The following CAMTA1 variants were observed in gnomAD, a reference collection of about 807,000 sequenced individuals.
CAMTA1 encodes the protein calmodulin binding transcription activator 1, also known as calmodulin-binding transcription activator 1.
CAMTA1 carries 27 observed loss-of-function variants against 170.9 expected under a neutral mutation model. The ratio of observed to expected loss-of-function variants is 0.16; its 90% confidence interval spans 0.12 to 0.22. The LOEUF (loss-of-function observed/expected upper bound fraction) is 0.22, where lower values mean the gene tolerates loss of function less well. CAMTA1 is among the 10% of genes least tolerant of loss of function. The pLI, the probability that CAMTA1 is intolerant of heterozygous loss-of-function variation, is 1.00. For missense variants in CAMTA1, 1,619 were observed against 2,217.2 expected, an observed-to-expected ratio of 0.73 and a Z score of 5.42; for synonymous variants, 833 against 891.5, an observed-to-expected ratio of 0.93 and a Z score of 1.17.
chr1:7,362,213 G>T (rs1043567310), intron 5 of CAMTA1, among the ~76,000 whole-genome samples: 1 of 152,230 alleles, frequency 6.6e-6, no homozygotes, highest in Non-Finnish European at 1.5e-5. Context: ...TGATTGGTGG[G>T]CCTGGGTAGA....
chr1:6,817,871 A>G (rs1435026883), intron 1 of CAMTA1, among the ~76,000 whole-genome samples: 1 of 152,200 alleles, frequency 6.6e-6, no homozygotes, highest in Non-Finnish European at 1.5e-5. Context: ...TAGAAAAGAA[A>G]GAATTAAGGA....
intron 19 of CAMTA1, 50 bp downstream of exon 19, chr1:7,747,831 C>T: frequency 7.5e-7 from 1 of 1,340,972 alleles, no homozygotes. Context: ...CACCCAAGGC[C>T]ACTGAAGATC....
intron 4 of CAMTA1, among the ~76,000 whole-genome samples, chr1:7,135,491 C>T (rs1450008373): frequency 6.6e-6 from 1 of 152,146 alleles, no homozygotes; most frequent in African/African-American, 2.4e-5. Flanking sequence ...CAAATTAGTT[C>T]AGCCCCTGTG....
chr1:7,495,514 C>T (rs536003473), intron 6 of CAMTA1, among the ~76,000 whole-genome samples: 1 of 152,340 alleles, frequency 6.6e-6, no homozygotes, highest in African/African-American at 2.4e-5. Flanking sequence ...CCGGCTTGGG[C>T]ATGGCAGGGC....
In CAMTA1 at chr1:6,870,518, T is replaced by A. The variant is rs187447185; in HGVS notation, c.234+45308T>A. On this transcript the variant is annotated intron_variant, in intron 3 of 22. Transcript: ENST00000303635. ...TGCCGTAAGCCTCTAGAAAGAATAT[T>A]CTGTTTCTTTTAATAAAATCCTTTT... Among the ~76,000 whole-genome samples the A allele has an allele frequency of 1.0e-3, 153 of 152,334 alleles. 1 individual carries two copies. The highest frequency in any genetic ancestry group is 3.5e-3 in the African/African-American group (145 of 41,580).
intron 11 of CAMTA1, 57 bp downstream of exon 11, chr1:7,677,790 A>G: frequency 6.4e-7 from 1 of 1,567,278 alleles, no homozygotes; most frequent in Non-Finnish European, 8.7e-7. Flanking sequence ...ATGCTTGGGG[A>G]CTCTTGCACA....
chr1:7,202,007 T>G (rs1656798891), intron 4 of CAMTA1, among the ~76,000 whole-genome samples: 1 of 152,244 alleles, frequency 6.6e-6, no homozygotes, highest in South Asian at 2.1e-4. Context: ...TTAAGAATTT[T>G]AGTTTTAACT....
rs1195929393 is a variant in CAMTA1 at position 7,588,644 on chromosome 1, T to A, written c.511-51756T>A. 6.6e-6 allele frequency among the ~76,000 whole-genome samples: 1 copy of A among 151,980 alleles called. No individual in the cohort carries two copies. Among genetic ancestry groups the A allele is most frequent in the African/African-American group, 2.4e-5 (1 of 41,380 alleles). On this transcript the variant is annotated intron_variant, in intron 6 of 22. Coordinates refer to ENST00000303635, the MANE Select transcript of CAMTA1 (RefSeq NM_015215.4). This position sits in a 1 kb window ranked among gnomAD's most constrained non-coding sequence, Gnocchi z 5.8. Reference sequence around the variant, plus strand: ...AGCCACAGTGGCCCATGTTGTTCCCTCCCTTGCAGGGCAACCCCAGGGCCA... The same window carrying A: ...AGCCACAGTGGCCCATGTTGTTCCCACCCTTGCAGGGCAACCCCAGGGCCA...
intron 4 of CAMTA1, among the ~76,000 whole-genome samples, chr1:7,193,389 T>C (rs1654918309): frequency 6.6e-6 from 1 of 151,440 alleles, no homozygotes; most frequent in South Asian, 2.1e-4. Flanking sequence ...GTAGTGTCAG[T>C]TTCCAAGTCC....
rs142348457 is a variant in CAMTA1, at chr1:7,546,463, T to C, written c.510+78562T>C. The stretch of plus-strand genomic sequence containing the variant: ...ATTGTGAATAGTGCTGCAATGAACA[T>C]ACACATGCATGTATCTTTATAACAA... On this transcript the variant is annotated intron_variant, in intron 6 of 22. Transcript: ENST00000303635. Among the ~76,000 whole-genome samples, 865 of 152,342 alleles carry C rather than the reference T, an allele frequency of 5.7e-3. 7 individuals are homozygous for C. Among genetic ancestry groups the C allele is most frequent in the Middle Eastern group, 0.024 (7 of 294 alleles).
chr1:7,537,975 G>A (rs567634461), intron 6 of CAMTA1, among the ~76,000 whole-genome samples: 11 of 152,186 alleles, frequency 7.2e-5, no homozygotes, highest in Admixed American at 2.6e-4. Flanking sequence ...GTCTGACGTC[G>A]TGGCTCTAGG....
intron 3 of CAMTA1, among the ~76,000 whole-genome samples, chr1:6,902,078 A>AAAAAAAAC (rs1289084830): frequency 6.5e-4 from 56 of 86,548 alleles, no homozygotes; most frequent in Non-Finnish European, 1.3e-3. Context: ...CACACAAAAA[A>AAAAAAAAC]AAAAATAAAA....
chr1:7,691,163 C>A (rs531556987), intron 11 of CAMTA1, among the ~76,000 whole-genome samples: 3 of 152,090 alleles, frequency 2.0e-5, no homozygotes, highest in Admixed American at 2.0e-4. Context: ...AAGAAATGAC[C>A]CCCAAACCAA....
At chr1:7,211,122 C>T (rs1417301254) in intron 4 of CAMTA1, among the ~76,000 whole-genome samples, 1 of 152,208 alleles carries the variant, frequency 6.6e-6, no homozygotes. Context: ...ATCCACCCAG[C>T]AATGCATCTT....
At chr1:7,005,274 C>T (rs1366760968) in intron 3 of CAMTA1, among the ~76,000 whole-genome samples, 1 of 152,198 alleles carries the variant, frequency 6.6e-6, no homozygotes, top group Non-Finnish European at 1.5e-5. Flanking sequence ...GTTTTCCAGA[C>T]AGGCACTCCA....
intron 4 of CAMTA1, among the ~76,000 whole-genome samples, chr1:7,185,973 A>G (rs1305590179): frequency 1.3e-5 from 2 of 152,148 alleles, no homozygotes; most frequent in Non-Finnish European, 2.9e-5. Context: ...GCTTTATAGG[A>G]CGCTTGGTGA....
intron 11 of CAMTA1, among the ~76,000 whole-genome samples, chr1:7,713,748 C>T (rs899350052): frequency 6.6e-6 from 1 of 152,148 alleles, no homozygotes; most frequent in African/African-American, 2.4e-5. Flanking sequence ...AAATTGAATA[C>T]AAGATCTTAT....
chr1:7,253,264 C>G (rs1039976944), intron 5 of CAMTA1, among the ~76,000 whole-genome samples: 1 of 152,128 alleles, frequency 6.6e-6, no homozygotes, highest in South Asian at 2.1e-4. Flanking sequence ...TGAAGCATCA[C>G]CCTGGTTCCG....
chr1:7,127,515 G>A (rs1271563047), intron 4 of CAMTA1, among the ~76,000 whole-genome samples: 1 of 152,116 alleles, frequency 6.6e-6, no homozygotes, highest in Non-Finnish European at 1.5e-5. Context: ...GTTAATGGGA[G>A]TGGAACTGCC....
Sources: gnomAD v4.1 joint callset for allele counts (sites outside exome capture counted in the v4.1 genomes callset) on GRCh38, gnomAD v4.1.1 for gene constraint, Gnocchi (gnomAD v3.1) non-coding constraint, MANE v1.5 for transcripts, NCBI Gene and HGNC (gene_info 2026-07-23, HGNC 2026-07-21) for gene names.